NWD1: variants seen among roughly 807,000 people sequenced by gnomAD.
The protein encoded by NWD1 is NACHT and WD repeat domain containing 1.
Under a neutral mutation model 135.1 loss-of-function variants are expected in NWD1, and 129 were observed. The observed-to-expected ratio is 0.96, with a 90% confidence interval of 0.83 to 1.11. The LOEUF (loss-of-function observed/expected upper bound fraction) is 1.11, where lower values mean the gene tolerates loss of function less well. Among genes scored for constraint, NWD1 ranks in the 50% least tolerant of loss-of-function variants. The pLI is 0.00. For synonymous variants in NWD1, 773 were observed against 786.0 expected (o/e 0.98, Z 0.28); for missense variants, 1,740 against 1,851.3 (o/e 0.94, Z 1.10).
chr19:16,752,571 T>C (rs1006076383), intron 6 of NWD1, among the ~76,000 whole-genome samples: 6 of 151,838 alleles, frequency 4.0e-5, no homozygotes, highest in Middle Eastern at 3.2e-3. Flanking sequence ...AGCACAGGAG[T>C]TGAAGACTGC....
chr19:16,773,934 C>A lies in NWD1; in HGVS notation c.2608+611C>A, dbSNP rs535651338. 2.3e-5 allele frequency among the ~76,000 whole-genome samples: 3 copies of A among 132,504 alleles called. No homozygotes were observed. In the East Asian group the frequency reaches 6.3e-4, roughly 28 times the overall value. The allele number at this position is 132,504 out of a possible 152,430, so 86.9% of individuals were successfully genotyped here. On this transcript the variant is annotated intron_variant, in intron 11 of 18. Transcript: ENST00000524140. ...CCCACCCACCCATCCATTCATCCATCCATCTATCCATCCATCCATCCATCC... is the reference window on the plus strand; with the variant it reads ...CCCACCCACCCATCCATTCATCCATACATCTATCCATCCATCCATCCATCC...
At position 16,736,709 on chromosome 19, in the gene NWD1, G is replaced by A. The variant is rs1967834070; in HGVS notation, c.157G>A (p.Val53Ile). The A allele has an allele frequency of 6.5e-7, 1 of 1,536,352 alleles. No individual in the cohort carries two copies. The highest frequency in any genetic ancestry group is 8.7e-7 in the Non-Finnish European group (1 of 1,146,844). The change falls in exon 4 of 19, where the codon GTT becomes ATT. Residue 53 changes from valine to isoleucine, a missense_variant. Physicochemically the swap from Val to Ile is conservative, Grantham distance 29. Coordinates refer to ENST00000524140, the MANE Select transcript of NWD1 (RefSeq NM_001007525.5). ...HLTTELCLEE[V>I]DRCWKTSIGP... is the part of the protein sequence containing the mutation. ...GACCACAGAACTCTGCTTGGAGGAGGTTGACCGGTGTTGGAAAACATCCAT... is the reference window on the plus strand; with the variant it reads ...GACCACAGAACTCTGCTTGGAGGAGATTGACCGGTGTTGGAAAACATCCAT...
chr19:16,732,936 A>G (rs1967639840), intron 3 of NWD1, among the ~76,000 whole-genome samples: 1 of 152,128 alleles, frequency 6.6e-6, no homozygotes, highest in South Asian at 2.1e-4. Flanking sequence ...TGGTTAAAAG[A>G]TGAGGCCGGG....
At chr19:16,803,763 A>G (rs1406006554) in intron 17 of NWD1, among the ~76,000 whole-genome samples, 1 of 151,618 alleles carries the variant, frequency 6.6e-6, no homozygotes, top group Non-Finnish European at 1.5e-5. Context: ...CTTAAAAAAA[A>G]AAAAAAAAAA....
intron 2 of NWD1, 172 bp from the exon 3 acceptor site, chr19:16,731,020 A>G (rs8108763): frequency 0.25 from 113,495 of 448,640 alleles, 18,227 homozygotes; most frequent in African/African-American, 0.55. Context: ...GAGGAGAGAG[A>G]ATCTCTTGAG....
chr19:16,768,289 CCTGG>C (rs1165232966), intron 10 of NWD1, among the ~76,000 whole-genome samples: 60 of 152,056 alleles, frequency 3.9e-4, no homozygotes, highest in African/African-American at 1.4e-3. Flanking sequence ...AGCTACCATG[CCTGG>C]CTAAGAATTT....
chr19:16,807,952 A>G lies in NWD1; in HGVS notation c.4103A>G (p.Asn1368Ser), dbSNP rs184839069. 35 of 1,614,136 alleles carry G rather than the reference A, an allele frequency of 2.2e-5. No homozygotes were observed. In the East Asian group the frequency reaches 7.1e-4, roughly 33 times the overall value. Residue 1368 changes from asparagine to serine, a missense_variant, in exon 18 of 19, where the codon AAT becomes AGT. Physicochemically the swap from Asn to Ser is conservative, Grantham distance 46. Transcript: ENST00000524140. ...TACCGCGTGGTCTACAGCATGACCA[A>G]TGGGGACCTCTTTCTTTACGAGTGT... ...TDYRVVYSMT[N>S]GDLFLYECAT...
At chr19:16,732,230 A>G (rs1429520763) in intron 3 of NWD1, among the ~76,000 whole-genome samples, 1 of 151,688 alleles carries the variant, frequency 6.6e-6, no homozygotes, top group African/African-American at 2.4e-5. Flanking sequence ...AAAAAAAAAA[A>G]AAAAGGCAGA....
At chr19:16,767,246 C>G (rs1405987838) in intron 10 of NWD1, among the ~76,000 whole-genome samples, 1 of 133,722 alleles carries the variant, frequency 7.5e-6, no homozygotes, top group East Asian at 2.5e-4. Context: ...GTGGTGCGAT[C>G]TCGGCTCACT....
At chr19:16,802,452 C>A (rs1970630275) in intron 17 of NWD1, among the ~76,000 whole-genome samples, 1 of 136,078 alleles carries the variant, frequency 7.3e-6, no homozygotes, top group Admixed American at 7.4e-5. Flanking sequence ...AGAGCAAGAC[C>A]CTATCTCAAT....
At chr19:16,743,490 G>A (rs990642701) in intron 4 of NWD1, among the ~76,000 whole-genome samples, 1 of 151,856 alleles carries the variant, frequency 6.6e-6, no homozygotes. Context: ...TTACAGGCGT[G>A]AGCCACCATG....
rs139109286 is a variant in NWD1 at position 16,773,173 on chromosome 19, G to A, written c.2458G>A (p.Ala820Thr). 1.1e-5 allele frequency: 17 copies of A among 1,613,888 alleles called. No homozygotes were observed. The highest frequency in any genetic ancestry group is 1.6e-4 in the Middle Eastern group (1 of 6,062). The change falls in exon 11 of 19, where the codon GCC becomes ACC. Residue 820 changes from alanine (A) to threonine (T), a missense_variant. Coordinates refer to ENST00000524140, the MANE Select transcript of NWD1 (RefSeq NM_001007525.5). Reference protein sequence around the residue: ...TELLARLHFFATSHPALVGQL... With the variant: ...TELLARLHFFTTSHPALVGQL... ...ACTGCTGGCCAGACTCCATTTCTTCGCCACCTCACATCCAGCACTGGTGGG... is the reference window on the plus strand; with the variant it reads ...ACTGCTGGCCAGACTCCATTTCTTCACCACCTCACATCCAGCACTGGTGGG...
At chr19:16,754,271 C>G (rs917148173) in intron 6 of NWD1, among the ~76,000 whole-genome samples, 1 of 148,336 alleles carries the variant, frequency 6.7e-6, no homozygotes, top group Non-Finnish European at 1.5e-5. Flanking sequence ...TATCCATCAT[C>G]TCTATATTCC....
chr19:16,811,844 C>G (rs926258360), intron 18 of NWD1, among the ~76,000 whole-genome samples: 2 of 151,882 alleles, frequency 1.3e-5, no homozygotes, highest in African/African-American at 4.8e-5. Context: ...GATGAAACCC[C>G]TTCTCTACTA....
chr19:16,728,938 C>A (rs1967441862), intron 2 of NWD1, among the ~76,000 whole-genome samples: 1 of 92,010 alleles, frequency 1.1e-5, no homozygotes. Flanking sequence ...AGCATGACTC[C>A]ATCTCAAAAA....
At chr19:16,798,286 C>A (rs1970487102) in intron 16 of NWD1, among the ~76,000 whole-genome samples, 1 of 152,088 alleles carries the variant, frequency 6.6e-6, no homozygotes, top group Non-Finnish European at 1.5e-5. Flanking sequence ...CCCCCTCCTT[C>A]TTATGAGCTA....
Position 16,815,266 on chromosome 19 carries a change from A to G in NWD1, c.*227A>G, listed in dbSNP as rs141020615. The G allele has an allele frequency of 1.4e-5, 11 of 781,282 alleles. No individual in the cohort carries two copies. Among genetic ancestry groups the G allele is most frequent in the Non-Finnish European group, 2.4e-5 (10 of 418,398 alleles). 48.4% of individuals were successfully genotyped at this position (781,282 alleles called of 1,614,324 possible). ...CAGGAGCTCCCCAGGACTTGGAGTCAGAAAGTGCCCAGGGAAATGAAACCA... is the reference window on the plus strand; with the variant it reads ...CAGGAGCTCCCCAGGACTTGGAGTCGGAAAGTGCCCAGGGAAATGAAACCA... On this transcript the variant is annotated 3_prime_UTR_variant, in exon 19 of 19. Coordinates refer to ENST00000524140, the MANE Select transcript of NWD1 (RefSeq NM_001007525.5).
In NWD1 at chr19:16,744,548, A is replaced by T. The variant is rs893718209; in HGVS notation, c.326A>T (p.Gln109Leu). ...CTGGAGCTGGTGGCACGATACTTCC[A>T]GAGGGACGAGAATGCGTTTCCTCCC... ...SDLELVARYF[Q>L]RDENAFPPTY... The change falls in exon 5 of 19, where the codon CAG becomes CTG. Residue 109 changes from glutamine to leucine, a missense_variant. Gln to Leu is a moderately radical substitution (Grantham distance 113). Transcript: ENST00000524140. The T allele has an allele frequency of 1.0e-4, 156 of 1,535,818 alleles. No individual in the cohort carries two copies. Among genetic ancestry groups the T allele is most frequent in the Non-Finnish European group, 1.3e-4 (146 of 1,146,828 alleles).
chr19:16,776,533 A>G (rs180770247), intron 11 of NWD1, among the ~76,000 whole-genome samples: 1 of 151,122 alleles, frequency 6.6e-6, no homozygotes, highest in Non-Finnish European at 1.5e-5. Context: ...GTTCCACTGC[A>G]CTCCAGCCTG....
Sources: gnomAD v4.1 joint callset for allele counts (sites outside exome capture counted in the v4.1 genomes callset) on GRCh38, gnomAD v4.1.1 for gene constraint, MANE v1.5 for transcripts, NCBI Gene and HGNC (gene_info 2026-07-23, HGNC 2026-07-21) for gene names.